Variants in HEG1 observed in about 807,000 individuals in gnomAD.
HEG1 encodes the protein protein HEG homolog 1.
In HEG1, 56 loss-of-function variants were observed where a neutral mutation model predicts 125.6. That is an observed-to-expected ratio of 0.45 (90% confidence interval 0.36 to 0.56). The LOEUF (loss-of-function observed/expected upper bound fraction) is 0.56, where lower values mean the gene tolerates loss of function less well. HEG1 is among the 20% of genes least tolerant of loss of function. The pLI, the probability that HEG1 is intolerant of heterozygous loss-of-function variation, is 0.00. For missense variants in HEG1, 1,523 were observed against 1,670.0 expected, an observed-to-expected ratio of 0.91 and a Z score of 1.53; for synonymous variants, 644 against 668.5, an observed-to-expected ratio of 0.96 and a Z score of 0.57.
At chr3:124,971,291 C>A in intron 16 of HEG1, 1 of 405,198 alleles carries the variant, frequency 2.5e-6, no homozygotes, top group African/African-American at 2.1e-5. Context: ...CTGGACGACA[C>A]CTGAGCCCAC....
intron 11 of HEG1, 82 bp downstream of exon 11, chr3:125,001,770 G>C: frequency 6.8e-7 from 1 of 1,476,896 alleles, no homozygotes; most frequent in Admixed American, 2.0e-5. Context: ...TCCTGGGCCT[G>C]AGCCCTGGAT....
intron 7 of HEG1, 86 bp from the exon 8 acceptor site, chr3:125,009,910 C>G (rs1227066806): frequency 7.3e-7 from 1 of 1,371,770 alleles, no homozygotes. Context: ...TACTAAGGGC[C>G]AAATGGTGCT....
chr3:125,009,651 T>G, intron 8 of HEG1, 54 bp downstream of exon 8: 2 of 1,513,352 alleles, frequency 1.3e-6, no homozygotes, highest in Non-Finnish European at 9.0e-7. Context: ...AAATGTTACC[T>G]TGTAAAATAT....
At chr3:125,003,917 G>A (rs6799334) in intron 9 of HEG1, among the ~76,000 whole-genome samples, 4,311 of 152,262 alleles carry the variant, frequency 0.028, 92 homozygotes, top group Non-Finnish European at 0.042. Context: ...TAATATAATC[G>A]CTTTTAGTAA....
intron 1 of HEG1, among the ~76,000 whole-genome samples, chr3:125,048,301 T>C (rs1179718818): frequency 2.0e-5 from 3 of 152,240 alleles, no homozygotes; most frequent in Non-Finnish European, 4.4e-5. Flanking sequence ...CCCCATACCA[T>C]GTGGTGGTGC....
At chr3:124,991,149 TC>T (rs1435898173) in intron 12 of HEG1, among the ~76,000 whole-genome samples, 163 bp from the exon 13 acceptor site, 44 of 91,970 alleles carry the variant, frequency 4.8e-4, no homozygotes, top group Admixed American at 1.2e-3. Context: ...CCGGCACAAC[TC>T]TTTTTTTTTT....
chr3:125,028,292 C>G (rs1372108353), intron 2 of HEG1, among the ~76,000 whole-genome samples: 1 of 152,222 alleles, frequency 6.6e-6, no homozygotes, highest in African/African-American at 2.4e-5. Flanking sequence ...TTCACTGACT[C>G]TTGTTACCAC....
chr3:125,044,219 T>C (rs1937628494), intron 1 of HEG1, among the ~76,000 whole-genome samples: 1 of 152,212 alleles, frequency 6.6e-6, no homozygotes, highest in Admixed American at 6.5e-5. Context: ...AAATGTAAAG[T>C]CTGCTAATGC....
intron 1 of HEG1, among the ~76,000 whole-genome samples, chr3:125,034,005 A>G (rs1047798928): frequency 1.4e-4 from 21 of 151,314 alleles, no homozygotes; most frequent in Admixed American, 7.9e-4. Flanking sequence ...CTTCCATGAA[A>G]CCAGTCCCTG....
chr3:125,026,792 G>T (rs1053436947), intron 3 of HEG1, among the ~76,000 whole-genome samples: 2 of 152,054 alleles, frequency 1.3e-5, no homozygotes, highest in African/African-American at 4.8e-5. Flanking sequence ...CTGAGGTCAG[G>T]AGTTCAAGAC....
chr3:124,991,163 T>TA (rs58811865), intron 12 of HEG1, among the ~76,000 whole-genome samples, 177 bp from the exon 13 acceptor site: 2 of 150,656 alleles, frequency 1.3e-5, no homozygotes, highest in South Asian at 2.1e-4. Flanking sequence ...TTTTTTTTTT[T>TA]TTCTGAGATA....
In HEG1 at chr3:125,027,336, G is replaced by A. The variant is rs1937430252; in HGVS notation, c.782C>T (p.Ser261Phe). ...QEATTSAWSP[S>F]FLPALEMGEL... ...TCCCATCTCCAAAGCAGGAAGAAAG[G>A]ACGGGCTCCAAGCCGAAGTGGTGGC... Residue 261 changes from serine to phenylalanine, a missense_variant, in exon 3 of 17, where the codon TCC (serine) becomes TTC (phenylalanine). Ser to Phe is a radical substitution (Grantham distance 155). Coordinates refer to ENST00000311127, the MANE Select transcript of HEG1 (RefSeq NM_020733.2). The A allele has an allele frequency of 1.2e-6, 2 of 1,614,004 alleles. No homozygotes were observed. The highest frequency in any genetic ancestry group is 2.2e-5 in the East Asian group (1 of 44,888).
At chr3:124,990,916 A>C in intron 13 of HEG1, 28 bp downstream of exon 13, 1 of 1,554,872 alleles carries the variant, frequency 6.4e-7, no homozygotes, top group Non-Finnish European at 8.7e-7. Context: ...TTTGTAACAA[A>C]ATTAGACTAA....
rs140560168 is a variant in HEG1 at position 124,976,695 on chromosome 3, G to A, written c.3821+1164C>T. Reference sequence around the variant, plus strand: ...GGTGCTGGGGGATGGGGCCTACAGGGAGGTGTCTGGGCCATGAGGGCAGAT... The same window carrying A: ...GGTGCTGGGGGATGGGGCCTACAGGAAGGTGTCTGGGCCATGAGGGCAGAT... On this transcript the variant is annotated intron_variant, in intron 15 of 16. Coordinates refer to ENST00000311127, the MANE Select transcript of HEG1 (RefSeq NM_020733.2). Among the ~76,000 whole-genome samples the A allele has an allele frequency of 5.8e-4, 89 of 152,222 alleles. 2 individuals are homozygous for A. Among genetic ancestry groups the A allele is most frequent in the Admixed American group, 5.5e-3 (84 of 15,292 alleles).
In HEG1 at chr3:124,970,801, G is replaced by T. The variant is rs553906393; in HGVS notation, c.3997C>A (p.Pro1333Thr). ...AGTTCTGGATTCCTTACACTTGTAG[G>T]CTGGTTGCCAAAGAGAAAAGAAGAA... is the stretch of plus-strand genomic sequence containing the variant. ...LLQMTDVYYS[P>T]TSVRNPELER... Residue 1333 changes from proline (P) to threonine (T), a missense_variant and splice_region_variant, in exon 17 of 17, where the codon CCT (proline) becomes ACT (threonine). Pro to Thr is a conservative substitution (Grantham distance 38). Coordinates refer to ENST00000311127, the MANE Select transcript of HEG1 (RefSeq NM_020733.2). 2.5e-6 allele frequency: 4 copies of T among 1,606,594 alleles called. No homozygotes were observed. In the African/African-American group the frequency reaches 4.0e-5, roughly 16 times the overall value.
intron 1 of HEG1, among the ~76,000 whole-genome samples, chr3:125,042,944 C>T (rs1937607096): frequency 6.6e-6 from 1 of 152,192 alleles, no homozygotes; most frequent in Non-Finnish European, 1.5e-5. Flanking sequence ...GGGTGGAGGA[C>T]GTTTAGAAGC....
intron 3 of HEG1, among the ~76,000 whole-genome samples, chr3:125,023,893 G>A (rs567109653): frequency 1.4e-4 from 21 of 152,258 alleles, no homozygotes; most frequent in Non-Finnish European, 2.6e-4. Context: ...ACAAAACACT[G>A]GAACCTCAGG....
intron 1 of HEG1, among the ~76,000 whole-genome samples, chr3:125,043,431 T>C (rs1042998937): frequency 3.5e-4 from 53 of 151,888 alleles, no homozygotes; most frequent in African/African-American, 9.7e-4. Flanking sequence ...TTTTTTTTTT[T>C]CCAAGGCCTT....
chr3:124,994,420 C>A (rs1936882761), intron 12 of HEG1, among the ~76,000 whole-genome samples: 1 of 152,182 alleles, frequency 6.6e-6, no homozygotes, highest in Non-Finnish European at 1.5e-5. Context: ...AGTATATATT[C>A]CCAAACTGGG....
Sources: allele counts gnomAD v4.1 joint callset (sites outside exome capture counted in the v4.1 genomes callset), GRCh38; gene constraint gnomAD v4.1.1; transcripts MANE v1.5; gene names NCBI Gene and HGNC (gene_info 2026-07-23, HGNC 2026-07-21).